EIF4E: variants seen among roughly 807,000 people sequenced by gnomAD.
The protein encoded by EIF4E is eIF-4F 25 kDa subunit.
For missense variants in EIF4E, 113 were observed against 265.6 expected, an observed-to-expected ratio of 0.43 and a Z score of 3.99; for synonymous variants, 71 against 88.5, an observed-to-expected ratio of 0.80 and a Z score of 1.11.
At chr4:98,928,976 G>C (rs752757331) in intron 1 of EIF4E, 119 bp downstream of exon 1, 1 of 1,575,012 alleles carries the variant, frequency 6.3e-7, no homozygotes. Flanking sequence ...CCAACATGAA[G>C]GGGAAGGGGC....
At chr4:98,890,450 G>C (rs1724100168) in intron 3 of EIF4E, among the ~76,000 whole-genome samples, 1 of 152,164 alleles carries the variant, frequency 6.6e-6, no homozygotes, top group Non-Finnish European at 1.5e-5. Context: ...GATTAACTTT[G>C]TTTTTAAGAG....
chr4:98,893,564 G>C (rs979515550), intron 2 of EIF4E, among the ~76,000 whole-genome samples: 2 of 151,974 alleles, frequency 1.3e-5, no homozygotes, highest in African/African-American at 2.4e-5. Flanking sequence ...CTTTTTTTCT[G>C]CTCACCCATA....
chr4:98,915,449 T>A (rs1002632599), intron 1 of EIF4E, among the ~76,000 whole-genome samples: 1 of 152,026 alleles, frequency 6.6e-6, no homozygotes, highest in Non-Finnish European at 1.5e-5. Context: ...AAAGCCCAAA[T>A]AAACATCTGA....
At chr4:98,915,632 C>T (rs1247340441) in intron 1 of EIF4E, among the ~76,000 whole-genome samples, 1 of 151,420 alleles carries the variant, frequency 6.6e-6, no homozygotes, top group East Asian at 2.0e-4. Flanking sequence ...CCTCCACTTC[C>T]CAGGTTCAAG....
chr4:98,911,757 CAT>C (rs1725151421), intron 1 of EIF4E, among the ~76,000 whole-genome samples: 1 of 148,084 alleles, frequency 6.8e-6, no homozygotes, highest in African/African-American at 2.5e-5. Context: ...GGAGCACTAA[CAT>C]GTACCTACTG....
At chr4:98,919,145 A>G (rs1463007047) in intron 1 of EIF4E, among the ~76,000 whole-genome samples, 1 of 152,080 alleles carries the variant, frequency 6.6e-6, no homozygotes, top group Non-Finnish European at 1.5e-5. Context: ...TGTCTCTACT[A>G]AAAACACAAA....
At chr4:98,915,273 A>C (rs1027789142) in intron 1 of EIF4E, among the ~76,000 whole-genome samples, 2 of 152,028 alleles carry the variant, frequency 1.3e-5, no homozygotes, top group African/African-American at 4.8e-5. Flanking sequence ...TAAGTATTTA[A>C]AAGGGAAAAA....
At chr4:98,917,117 CACACACACACACACACAA>C (rs1202818101) in intron 1 of EIF4E, among the ~76,000 whole-genome samples, 8 of 60,774 alleles carry the variant, frequency 1.3e-4, no homozygotes, top group South Asian at 1.2e-3. Flanking sequence ...CACACACACA[CACACACACACACACACAA>C]AAAAAACCCA....
intron 1 of EIF4E, among the ~76,000 whole-genome samples, chr4:98,921,525 C>T (rs1487670802): frequency 2.0e-5 from 3 of 151,796 alleles, no homozygotes; most frequent in Admixed American, 6.6e-5. Flanking sequence ...CCCGTGACCA[C>T]GCTTGGCTAA....
At chr4:98,886,401 T>C (rs1298104807) in intron 5 of EIF4E, 3 of 414,764 alleles carry the variant, frequency 7.2e-6, no homozygotes, top group Non-Finnish European at 1.4e-5. Flanking sequence ...ACAATTTTAT[T>C]ATTTGCTTCA....
chr4:98,897,133 T>C (rs1488391997), intron 2 of EIF4E, among the ~76,000 whole-genome samples: 1 of 152,144 alleles, frequency 6.6e-6, no homozygotes, highest in Non-Finnish European at 1.5e-5. Context: ...GTATTCACAT[T>C]TGCACTAACG....
intron 1 of EIF4E, among the ~76,000 whole-genome samples, chr4:98,917,265 A>G (rs1339979260): frequency 6.6e-6 from 1 of 151,916 alleles, no homozygotes; most frequent in Non-Finnish European, 1.5e-5. Context: ...TTTACACCAG[A>G]AGAGTTCAGC....
At chr4:98,900,990 T>C (rs1159392056) in intron 2 of EIF4E, among the ~76,000 whole-genome samples, 3 of 152,220 alleles carry the variant, frequency 2.0e-5, no homozygotes, top group Non-Finnish European at 4.4e-5. Context: ...CTCTTCAAAC[T>C]GCCCTAATCT....
At chr4:98,925,589 G>T (rs1165054809) in intron 1 of EIF4E, among the ~76,000 whole-genome samples, 1 of 152,044 alleles carries the variant, frequency 6.6e-6, no homozygotes, top group Non-Finnish European at 1.5e-5. Flanking sequence ...ATATTTGTGG[G>T]CCACATCTTC....
At chr4:98,906,764 C>T (rs1724889813) in intron 1 of EIF4E, among the ~76,000 whole-genome samples, 1 of 152,078 alleles carries the variant, frequency 6.6e-6, no homozygotes, top group South Asian at 2.1e-4. Context: ...AGATTGTCAT[C>T]AGAATATGAG....
intron 2 of EIF4E, among the ~76,000 whole-genome samples, chr4:98,896,950 G>A (rs976746937): frequency 1.3e-5 from 2 of 152,154 alleles, no homozygotes; most frequent in Non-Finnish European, 2.9e-5. Flanking sequence ...GTGAGACCCT[G>A]TCTTCAAAAA....
rs527666050 is a variant in EIF4E, at chr4:98,888,086, C to T, written c.222-134G>A. 5.0e-5 allele frequency: 38 copies of T among 766,390 alleles called. No individual in the cohort carries two copies. The African/African-American group carries it at 5.7e-4, about 11-fold the overall frequency. 47.5% of individuals were successfully genotyped at this position (766,390 alleles called of 1,614,324 possible). A position where few individuals can be genotyped will look rare whatever the true frequency, so the allele number is the denominator to read the frequency against. ...TCATGTTTACTTGTTTCTAAGGAGTCAATTTCTAAAATGGACAAAACAGAT... is the reference window on the plus strand; with the variant it reads ...TCATGTTTACTTGTTTCTAAGGAGTTAATTTCTAAAATGGACAAAACAGAT... On this transcript the variant is annotated intron_variant, in intron 3 of 6. Coordinates refer to ENST00000450253, the MANE Select transcript of EIF4E (RefSeq NM_001968.5).
intron 1 of EIF4E, among the ~76,000 whole-genome samples, chr4:98,908,272 C>A (rs546234828): frequency 6.6e-6 from 1 of 152,214 alleles, no homozygotes; most frequent in East Asian, 1.9e-4. Context: ...ATTACTGTTA[C>A]CACACCTAAA....
At position 98,901,524 on chromosome 4, in the gene EIF4E, T is replaced by C. The variant is rs185012536; in HGVS notation, c.125+352A>G. 2.1e-3 allele frequency among the ~76,000 whole-genome samples: 316 copies of C among 152,310 alleles called. 1 individual carries two copies. The highest frequency in any genetic ancestry group is 6.6e-3 in the African/African-American group (275 of 41,578). On this transcript the variant is annotated intron_variant, in intron 2 of 6. Transcript: ENST00000450253. ...CCGCGTTGGGCGACCACCACTGTCTTTGTATGTCCATCCTTCATAGGCATT... is the reference window on the plus strand; with the variant it reads ...CCGCGTTGGGCGACCACCACTGTCTCTGTATGTCCATCCTTCATAGGCATT...
Sources: gnomAD v4.1 joint callset for allele counts (sites outside exome capture counted in the v4.1 genomes callset) on GRCh38, gnomAD v4.1.1 for gene constraint, MANE v1.5 for transcripts, NCBI Gene and HGNC (gene_info 2026-07-23, HGNC 2026-07-21) for gene names.